The following TBC1D32 variants were observed in gnomAD, a reference collection of about 807,000 sequenced individuals.
The protein encoded by TBC1D32 is protein broad-minded.
Under a neutral mutation model 170.3 loss-of-function variants are expected in TBC1D32, and 151 were observed. The ratio of observed to expected loss-of-function variants is 0.89; its 90% CI spans 0.78 to 1.01. The LOEUF is 1.01. Among genes scored for constraint, TBC1D32 ranks in the 50% least tolerant of loss-of-function variants. The pLI is 0.00. For missense variants in TBC1D32, 1,464 were observed against 1,457.1 expected, an observed-to-expected ratio of 1.00 and a Z score of -0.08; for synonymous variants, 498 against 488.0, an observed-to-expected ratio of 1.02 and a Z score of -0.27.
chr6:121,139,618 G>C (rs750924620), intron 24 of TBC1D32, among the ~76,000 whole-genome samples: 3 of 152,022 alleles, frequency 2.0e-5, no homozygotes, highest in Non-Finnish European at 4.4e-5. Context: ...CTAAATTAAG[G>C]ATATTGTTCT....
chr6:121,156,039 T>C (rs1467927793), intron 24 of TBC1D32, among the ~76,000 whole-genome samples: 1 of 152,020 alleles, frequency 6.6e-6, no homozygotes, highest in Non-Finnish European at 1.5e-5. Flanking sequence ...AAATAAGTTA[T>C]AAAGAAGCTC....
chr6:121,294,478 C>A, intron 11 of TBC1D32, 92 bp downstream of exon 11: 1 of 869,322 alleles, frequency 1.2e-6, no homozygotes, highest in East Asian at 2.7e-5. Context: ...ACCATACTAA[C>A]AATCATTAAA....
intron 24 of TBC1D32, among the ~76,000 whole-genome samples, chr6:121,144,877 A>C (rs1194052701): frequency 6.6e-6 from 1 of 152,210 alleles, no homozygotes; most frequent in African/African-American, 2.4e-5. Flanking sequence ...ATGAGACAAA[A>C]GAATTCATCA....
chr6:121,289,028 C>G (rs1804368968), intron 12 of TBC1D32, among the ~76,000 whole-genome samples: 1 of 152,256 alleles, frequency 6.6e-6, no homozygotes, highest in African/African-American at 2.4e-5. Context: ...CTATCTATGA[C>G]AAACCTACAG....
chr6:121,093,005 T>A (rs1776997118), intron 30 of TBC1D32, among the ~76,000 whole-genome samples: 1 of 152,172 alleles, frequency 6.6e-6, no homozygotes, highest in South Asian at 2.1e-4. Flanking sequence ...AGAGTTTCCT[T>A]TACAACTATA....
intron 16 of TBC1D32, 144 bp from the exon 17 acceptor site, chr6:121,255,554 T>G (rs113792665): frequency 0.047 from 8,231 of 173,522 alleles, 386 homozygotes; most frequent in African/African-American, 0.19. Context: ...ACCCATAAGA[T>G]TTCTTATGTT....
At chr6:121,191,108 G>C (rs1789949398) in intron 22 of TBC1D32, among the ~76,000 whole-genome samples, 1 of 151,676 alleles carries the variant, frequency 6.6e-6, no homozygotes, top group Non-Finnish European at 1.5e-5. Flanking sequence ...ATGCATGTGT[G>C]GATATGTAAT....
chr6:121,099,195 G>A (rs1562475278), intron 30 of TBC1D32, among the ~76,000 whole-genome samples: 1 of 151,782 alleles, frequency 6.6e-6, no homozygotes, highest in African/African-American at 2.4e-5. Flanking sequence ...AAGATGTGCA[G>A]GATAGTGACT....
At chr6:121,198,198 ATT>A (rs1791014925) in intron 22 of TBC1D32, among the ~76,000 whole-genome samples, 2 of 138,160 alleles carry the variant, frequency 1.4e-5, no homozygotes, top group Non-Finnish European at 1.5e-5. Flanking sequence ...TATAATATAT[ATT>A]TTATATATTA....
At chr6:121,269,184 C>T (rs980675168) in intron 15 of TBC1D32, among the ~76,000 whole-genome samples, 2 of 152,128 alleles carry the variant, frequency 1.3e-5, no homozygotes, top group Non-Finnish European at 1.5e-5. Flanking sequence ...ACCATCGAGG[C>T]TCGGAAGAAA....
At chr6:121,311,044 T>C (rs547763475) in intron 3 of TBC1D32, among the ~76,000 whole-genome samples, 197 bp from the exon 4 acceptor site, 74 of 152,298 alleles carry the variant, frequency 4.9e-4, no homozygotes, top group Non-Finnish European at 6.2e-4. Flanking sequence ...CAGTAGAAAG[T>C]GTACCTTCAT....
At chr6:121,135,718 G>T (rs889455460) in intron 24 of TBC1D32, among the ~76,000 whole-genome samples, 4 of 152,098 alleles carry the variant, frequency 2.6e-5, no homozygotes, top group African/African-American at 9.7e-5. Flanking sequence ...ACAGCTGGGG[G>T]TTATAAACTG....
chr6:121,205,034 A>T lies in TBC1D32; in HGVS notation c.2570+41T>A, dbSNP rs1792057506. On this transcript the variant is annotated intron_variant, in intron 22 of 31. Transcript: ENST00000398212. ...CAGGACAAATGCTTATTTTTTGTGG[A>T]ACATAAAATATAATATCAAAAGTAA... 3 of 1,163,476 alleles carry T rather than the reference A, an allele frequency of 2.6e-6. No individual in the cohort carries two copies. In the African/African-American group the frequency reaches 4.8e-5, roughly 19 times the overall value. The allele number at this position is 1,163,476 out of a possible 1,614,324, so 72.1% of individuals were successfully genotyped here. A position where few individuals can be genotyped will look rare whatever the true frequency, so the allele number is the denominator to read the frequency against.
At chr6:121,159,185 C>T (rs985518337) in intron 24 of TBC1D32, among the ~76,000 whole-genome samples, 1 of 152,190 alleles carries the variant, frequency 6.6e-6, no homozygotes, top group African/African-American at 2.4e-5. Flanking sequence ...GCAGGCTATA[C>T]ATTTTTCTAT....
At chr6:121,223,183 A>C (rs1172326062) in intron 21 of TBC1D32, 53 bp downstream of exon 21, 1 of 1,167,586 alleles carries the variant, frequency 8.6e-7, no homozygotes, top group African/African-American at 1.6e-5. Context: ...TTTTACTACC[A>C]ATCTCAAATA....
At chr6:121,260,900 C>T (rs932366348) in intron 15 of TBC1D32, among the ~76,000 whole-genome samples, 2 of 152,224 alleles carry the variant, frequency 1.3e-5, no homozygotes, top group African/African-American at 4.8e-5. Context: ...CGAAGGACTG[C>T]AGCTATCACT....
chr6:121,160,025 C>A lies in TBC1D32; in HGVS notation c.2758G>T (p.Ala920Ser), dbSNP rs1391260789. The change falls in exon 24 of 32, where the codon GCT becomes TCT. Residue 920 changes from alanine (A) to serine (S), a missense_variant. By Grantham distance (99) the Ala-to-Ser change is moderately conservative (BLOSUM62 1). Transcript: ENST00000398212. ...AATATTTTACCTTGTTTTATACCAG[C>A]ATTTCTTGTAATGTCTGACAGATAG... ...NCYLSDITRNAGIKQDNDLDK... is the reference protein window; with the variant it reads ...NCYLSDITRNSGIKQDNDLDK... 2 of 1,600,998 alleles carry A rather than the reference C, an allele frequency of 1.2e-6. No individual in the cohort carries two copies. Among genetic ancestry groups the A allele is most frequent in the East Asian group, 4.5e-5 (2 of 44,662 alleles).
intron 31 of TBC1D32, among the ~76,000 whole-genome samples, chr6:121,083,832 G>A (rs1346049145): frequency 1.3e-5 from 2 of 152,068 alleles, no homozygotes; most frequent in Non-Finnish European, 2.9e-5. Flanking sequence ...AATATCATAT[G>A]ATTGCTCTCT....
At chr6:121,157,897 G>GAGAGA (rs1444404708) in intron 24 of TBC1D32, among the ~76,000 whole-genome samples, 1 of 152,140 alleles carries the variant, frequency 6.6e-6, no homozygotes, top group Non-Finnish European at 1.5e-5. Flanking sequence ...GGTTCCCTTT[G>GAGAGA]TAGGTGACCC....
Sources: gnomAD v4.1 joint callset for allele counts (sites outside exome capture counted in the v4.1 genomes callset) on GRCh38, gnomAD v4.1.1 for gene constraint, MANE v1.5 for transcripts, NCBI Gene and HGNC (gene_info 2026-07-23, HGNC 2026-07-21) for gene names.